Variants in TP53BP2 observed in about 807,000 individuals in gnomAD.
TP53BP2 encodes the protein apoptosis-stimulating of p53 protein 2.
Under a neutral mutation model 126.2 loss-of-function variants are expected in TP53BP2, and 62 were observed. That is an observed-to-expected ratio of 0.49 (90% CI 0.40 to 0.61). TP53BP2 has a LOEUF of 0.61. Ranked by LOEUF, TP53BP2 falls within the 20% of genes least tolerant of loss-of-function variation. The pLI is 0.00. For missense variants in TP53BP2, 1,215 were observed against 1,402.8 expected (o/e 0.87, Z 2.14); for synonymous variants, 485 against 502.9 (o/e 0.96, Z 0.48).
chr1:223,830,133 C>A (rs1663645664), intron 1 of TP53BP2, among the ~76,000 whole-genome samples: 1 of 152,146 alleles, frequency 6.6e-6, no homozygotes, highest in Middle Eastern at 3.2e-3. Context: ...GGTTGAGTAT[C>A]CCCTATCTGA....
At chr1:223,827,401 A>C (rs922097394) in intron 1 of TP53BP2, among the ~76,000 whole-genome samples, 4 of 152,212 alleles carry the variant, frequency 2.6e-5, no homozygotes, top group African/African-American at 9.6e-5. Flanking sequence ...GCAAAAGTGT[A>C]CAATCAGATT....
chr1:223,789,101 C>G lies in TP53BP2; in HGVS notation c.3070G>C (p.Val1024Leu), dbSNP rs754085262. 1 of 1,614,078 alleles carries G rather than the reference C, an allele frequency of 6.2e-7. No homozygotes were observed. Among genetic ancestry groups the G allele is most frequent in the Non-Finnish European group, 8.5e-7 (1 of 1,180,038 alleles). Residue 1024 changes from valine to leucine, a missense_variant, in exon 16 of 18, where the codon GTG becomes CTG. This residue lies in a region of TP53BP2 where 151 missense variants were observed against 231.2 expected (regional missense o/e 0.65). Transcript: ENST00000343537. The part of the protein sequence containing the change: ...CKFLVESGAA[V>L]FAMTYSDMQT... ...ATGTCACTGTAGGTCATGGCAAACACAGCGGCTCCTGACTCCACCAAAAAC... is the reference window on the plus strand; with the variant it reads ...ATGTCACTGTAGGTCATGGCAAACAGAGCGGCTCCTGACTCCACCAAAAAC...
chr1:223,792,592 CT>C lies in TP53BP2; in HGVS notation c.2863-71del, dbSNP rs1263556728. 1.9e-6 allele frequency: 3 copies of C among 1,548,150 alleles called. No individual in the cohort carries two copies. The African/African-American group carries it at 4.1e-5, about 21-fold the overall frequency. ...CTGAACTGTCACTACTAACTGGCTC[CT>C]TTAGGGTCAAGAGGACAGAAATGGA... On this transcript the variant is annotated intron_variant, in intron 14 of 17. Coordinates refer to ENST00000343537, the MANE Select transcript of TP53BP2 (RefSeq NM_001031685.3).
chr1:223,836,062 T>C (rs1250321679), intron 1 of TP53BP2, among the ~76,000 whole-genome samples: 1 of 152,198 alleles, frequency 6.6e-6, no homozygotes, highest in Non-Finnish European at 1.5e-5. Flanking sequence ...AACTGTGGCA[T>C]GCCCTCACAA....
chr1:223,809,683 A>G (rs1662843869), intron 4 of TP53BP2, among the ~76,000 whole-genome samples: 2 of 152,218 alleles, frequency 1.3e-5, no homozygotes, highest in East Asian at 3.8e-4. Flanking sequence ...GAATTCTACT[A>G]TAAATGTACT....
Position 223,796,074 on chromosome 1 carries a change from G to C in TP53BP2, c.2465C>G (p.Ala822Gly). The C allele has an allele frequency of 6.2e-7, 1 of 1,614,160 alleles. No individual in the cohort carries two copies. Among genetic ancestry groups the C allele is most frequent in the South Asian group, 1.1e-5 (1 of 91,084 alleles). Residue 822 changes from alanine to glycine, a missense_variant, in exon 13 of 18, where the codon GCC becomes GGC. Around this residue, in one of 4 missense-constraint regions of TP53BP2, gnomAD observed 204 missense variants for 225.7 expected, o/e 0.90. Transcript: ENST00000343537. The surrounding 1 kb of genome is among the most constrained non-coding windows in gnomAD (Gnocchi z 4.2). ...ESLSPEDVGN[A>G]STENSDMPAP... ...TGGCATGTCACTGTTCTCTGTACTG[G>C]CATTCCCCACATCCTCTGGGGACAA...
intron 16 of TP53BP2, among the ~76,000 whole-genome samples, chr1:223,788,529 A>G (rs1662048162): frequency 6.6e-6 from 1 of 152,328 alleles, no homozygotes; most frequent in Non-Finnish European, 1.5e-5. Context: ...AAAATCAAGA[A>G]AACAAAAGAG....
chr1:223,782,396 G>C (rs1023814644), intron 17 of TP53BP2, among the ~76,000 whole-genome samples: 1 of 152,214 alleles, frequency 6.6e-6, no homozygotes, highest in Non-Finnish European at 1.5e-5. Flanking sequence ...AGTGGCTGTA[G>C]GCAAGAGACT....
At position 223,780,059 on chromosome 1, in the gene TP53BP2, G is replaced by A. The variant is rs1203901048; in HGVS notation, c.*794C>T. The stretch of plus-strand genomic sequence containing the variant: ...TGACTATTAAACAAGGTCTATTTAT[G>A]ACATCAAAAACAAAAACCAGTAAAC... On this transcript the variant is annotated 3_prime_UTR_variant, in exon 18 of 18. Coordinates refer to ENST00000343537, the MANE Select transcript of TP53BP2 (RefSeq NM_001031685.3). The A allele has an allele frequency of 6.6e-6, 1 of 152,130 alleles. No homozygotes were observed. Among genetic ancestry groups the A allele is most frequent in the Non-Finnish European group, 1.5e-5 (1 of 68,020 alleles). The allele number at this position is 152,130 out of a possible 1,614,324, so 9.4% of individuals were successfully genotyped here. A position where few individuals can be genotyped will look rare whatever the true frequency, so the allele number is the denominator to read the frequency against.
chr1:223,797,795 T>C (rs1192645893), intron 12 of TP53BP2, among the ~76,000 whole-genome samples: 1 of 151,994 alleles, frequency 6.6e-6, no homozygotes, highest in East Asian at 1.9e-4. Flanking sequence ...TGTGTGTGTA[T>C]ATATATCTAT....
intron 16 of TP53BP2, among the ~76,000 whole-genome samples, chr1:223,787,657 G>C (rs950414231): frequency 6.6e-6 from 1 of 152,008 alleles, no homozygotes; most frequent in Non-Finnish European, 1.5e-5. Flanking sequence ...CAGGCAGATT[G>C]CCTAAGCTCA....
At chr1:223,827,963 A>T (rs566680587) in intron 1 of TP53BP2, among the ~76,000 whole-genome samples, 2 of 152,226 alleles carry the variant, frequency 1.3e-5, no homozygotes, top group Admixed American at 1.3e-4. Context: ...AAGTAATTGA[A>T]TTTTCTGTCT....
At chr1:223,821,120 C>A (rs1431056093) in intron 2 of TP53BP2, 100 bp downstream of exon 2, 7 of 1,473,450 alleles carry the variant, frequency 4.8e-6, no homozygotes, top group Non-Finnish European at 6.5e-6. Flanking sequence ...TCTCCAGTTT[C>A]TCCCCGGAGA....
intron 13 of TP53BP2, among the ~76,000 whole-genome samples, chr1:223,795,609 T>G (rs1662289696): frequency 6.6e-6 from 1 of 152,176 alleles, no homozygotes. Context: ...ACTCTGTTTC[T>G]TTCACAAATA....
At chr1:223,813,347 G>A (rs1332709828) in intron 3 of TP53BP2, among the ~76,000 whole-genome samples, 5 of 152,076 alleles carry the variant, frequency 3.3e-5, no homozygotes, top group South Asian at 4.1e-4. Context: ...CTCTACCTCC[G>A]AAATTTTCAA....
At chr1:223,838,435 T>C (rs1890120) in intron 1 of TP53BP2, among the ~76,000 whole-genome samples, 71,973 of 152,052 alleles carry the variant, frequency 0.47, 17,943 homozygotes, top group African/African-American at 0.64. Flanking sequence ...TCTGACTACA[T>C]TGAATTACTG....
intron 2 of TP53BP2, among the ~76,000 whole-genome samples, chr1:223,818,594 CA>C (rs2102870473): frequency 6.7e-6 from 1 of 148,390 alleles, no homozygotes; most frequent in African/African-American, 2.5e-5. Context: ...TTTTTTGAGA[CA>C]GAATCTTGCT....
Position 223,796,506 on chromosome 1 carries a change from C to T in TP53BP2, c.2033G>A (p.Gly678Asp). The part of the protein sequence containing the change: ...NIYSNSQGKP[G>D]SPEPETEPVS... ...AGGCTCTGTTTCAGGTTCTGGACTG[C>T]CAGGCTTGCCCTGGCTATTGGAATA... The change falls in exon 13 of 18, where the codon GGC (glycine) becomes GAC (aspartate). Residue 678 changes from glycine to aspartate, a missense_variant. Gly to Asp is a moderately conservative substitution (Grantham distance 94). Around this residue, in one of 4 missense-constraint regions of TP53BP2, gnomAD observed 814 missense variants for 853.0 expected, o/e 0.95. Transcript: ENST00000343537. The surrounding 1 kb of genome is among the most constrained non-coding windows in gnomAD (Gnocchi z 4.2). The T allele has an allele frequency of 6.2e-7, 1 of 1,614,116 alleles. No homozygotes were observed. The highest frequency in any genetic ancestry group is 8.5e-7 in the Non-Finnish European group (1 of 1,180,024).
chr1:223,814,407 T>C (rs978778303), intron 2 of TP53BP2, 54 bp from the exon 3 acceptor site: 2 of 1,245,572 alleles, frequency 1.6e-6, no homozygotes, highest in Admixed American at 1.7e-5. Flanking sequence ...AAGATAAATA[T>C]ATCATTCACC....
Sources: gnomAD v4.1 joint callset for allele counts (sites outside exome capture counted in the v4.1 genomes callset) on GRCh38, gnomAD v4.1.1 for gene constraint, gnomAD v4.1.1 regional missense constraint, Gnocchi (gnomAD v3.1) non-coding constraint, MANE v1.5 for transcripts, NCBI Gene and HGNC (gene_info 2026-07-23, HGNC 2026-07-21) for gene names.